The following MRPS27 variants were observed in gnomAD, a reference collection of about 807,000 sequenced individuals.
MRPS27 encodes mitochondrial ribosomal protein S27.
Under a neutral mutation model 48.9 loss-of-function variants are expected in MRPS27, and 43 were observed. The observed-to-expected ratio is 0.88, with a 90% confidence interval of 0.69 to 1.13. MRPS27 has a LOEUF of 1.13. Among genes scored for constraint, MRPS27 ranks in the 50% most tolerant of loss-of-function variants. The pLI is 0.00. For missense variants in MRPS27, 467 were observed against 476.3 expected (o/e 0.98, Z 0.18); for synonymous variants, 188 against 171.9 (o/e 1.09, Z -0.73).
intron 4 of MRPS27, among the ~76,000 whole-genome samples, chr5:72,278,283 A>C (rs910448478): frequency 6.6e-6 from 1 of 151,846 alleles, no homozygotes; most frequent in African/African-American, 2.4e-5. Context: ...TCTACTAAAG[A>C]TACAAAAAAA....
At chr5:72,293,544 A>G (rs1749890776) in intron 4 of MRPS27, among the ~76,000 whole-genome samples, 1 of 152,240 alleles carries the variant, frequency 6.6e-6, no homozygotes, top group Non-Finnish European at 1.5e-5. Flanking sequence ...ACTGAACATC[A>G]TGTGAAGAAT....
chr5:72,256,360 C>T (rs4703813), intron 4 of MRPS27, among the ~76,000 whole-genome samples: 12,798 of 151,986 alleles, frequency 0.084, 728 homozygotes, highest in East Asian at 0.13. Flanking sequence ...AAAAAGAATG[C>T]GTAAAATAAA....
At chr5:72,300,869 G>A (rs150958037) in intron 2 of MRPS27, among the ~76,000 whole-genome samples, 86 of 152,200 alleles carry the variant, frequency 5.7e-4, no homozygotes, top group African/African-American at 2.0e-3. Context: ...GCTAATCTGT[G>A]TTGTTTTTCT....
intron 4 of MRPS27, among the ~76,000 whole-genome samples, chr5:72,254,069 G>A (rs1748732570): frequency 6.6e-6 from 1 of 152,130 alleles, no homozygotes; most frequent in South Asian, 2.1e-4. Context: ...AGGTGACCCT[G>A]CATCTGGCTT....
intron 4 of MRPS27, among the ~76,000 whole-genome samples, chr5:72,266,661 C>T (rs1749114002): frequency 1.3e-5 from 2 of 152,092 alleles, no homozygotes; most frequent in African/African-American, 4.8e-5. Flanking sequence ...AGATCCAGAC[C>T]ATCCTGGTTA....
intron 8 of MRPS27, 95 bp downstream of exon 8, chr5:72,228,171 G>A: frequency 3.5e-6 from 4 of 1,131,332 alleles, no homozygotes; most frequent in Non-Finnish European, 2.6e-6. Flanking sequence ...GATTTCACTG[G>A]TAAATTTAAA....
At position 72,295,364 on chromosome 5, in the gene MRPS27, TA is replaced by T. The variant is rs1179980872; in HGVS notation, c.281+166del. 9.3e-4 allele frequency: 511 copies of T among 549,584 alleles called. 1 individual carries two copies. Among genetic ancestry groups the T allele is most frequent in the Non-Finnish European group, 4.2e-4 (129 of 309,356 alleles). The allele number at this position is 549,584 out of a possible 1,614,324, so 34.0% of individuals were successfully genotyped here. ...TAAATAATAAACTCACAGTATGGAA[TA>T]AAATGCAGTTATAAAAAATCAGAAA... On this transcript the variant is annotated intron_variant, in intron 4 of 10. Coordinates refer to ENST00000261413, the MANE Select transcript of MRPS27 (RefSeq NM_015084.3).
chr5:72,226,067 C>T lies in MRPS27; in HGVS notation c.827G>A (p.Cys276Tyr). 1 of 1,613,470 alleles carries T rather than the reference C, an allele frequency of 6.2e-7. No homozygotes were observed. The highest frequency in any genetic ancestry group is 8.5e-7 in the Non-Finnish European group (1 of 1,179,564). Reference sequence around the variant, plus strand: ...AGCTGAAGAACATACCGCTTCTCTACACAGCTTTATGTCTTCTGGGGAGGC... The same window carrying T: ...AGCTGAAGAACATACCGCTTCTCTATACAGCTTTATGTCTTCTGGGGAGGC... ...VAASPEDIKLCREALDVLGAV... is the reference protein window; with the variant it reads ...VAASPEDIKLYREALDVLGAV... The change falls in exon 9 of 11, where the codon TGT becomes TAT. Residue 276 changes from cysteine (C) to tyrosine (Y), a missense_variant. Coordinates refer to ENST00000261413, the MANE Select transcript of MRPS27 (RefSeq NM_015084.3).
intron 9 of MRPS27, 115 bp downstream of exon 9, chr5:72,225,942 A>G (rs1177724268): frequency 1.6e-6 from 2 of 1,222,464 alleles, no homozygotes; most frequent in Admixed American, 2.7e-5. Context: ...ATAAATACCT[A>G]TTCTATAGAC....
Position 72,297,622 on chromosome 5 carries a change from A to C in MRPS27, c.222+10T>G. 1 of 1,548,764 alleles carries C rather than the reference A, an allele frequency of 6.5e-7. No individual in the cohort carries two copies. The highest frequency in any genetic ancestry group is 8.9e-7 in the Non-Finnish European group (1 of 1,128,964). Reference sequence around the variant, plus strand: ...GTTCTTGGAAAATATATATGTTAAAATTTTCTTACCCGTGATATTGTTAAA... The same window carrying C: ...GTTCTTGGAAAATATATATGTTAAACTTTTCTTACCCGTGATATTGTTAAA... On this transcript the variant is annotated intron_variant, in intron 3 of 10. Coordinates refer to ENST00000261413, the MANE Select transcript of MRPS27 (RefSeq NM_015084.3).
At chr5:72,286,506 G>A (rs180725108) in intron 4 of MRPS27, among the ~76,000 whole-genome samples, 1 of 152,168 alleles carries the variant, frequency 6.6e-6, no homozygotes, top group Non-Finnish European at 1.5e-5. Context: ...TTCAACAAGT[G>A]GTGCTGACAC....
chr5:72,241,564 C>G (rs115902249), intron 4 of MRPS27: 68 of 1,312,636 alleles, frequency 5.2e-5, no homozygotes, highest in Non-Finnish European at 7.2e-5. Flanking sequence ...ACTTTTTAAG[C>G]AGTTCAGACA....
chr5:72,307,814 T>G (rs1750314556), intron 2 of MRPS27: 1 of 152,354 alleles, frequency 6.6e-6, no homozygotes, highest in East Asian at 1.9e-4. Context: ...TGGTAATTCA[T>G]CAATGTCTAT....
At chr5:72,267,204 C>G (rs1225683390) in intron 4 of MRPS27, among the ~76,000 whole-genome samples, 1 of 152,214 alleles carries the variant, frequency 6.6e-6, no homozygotes, top group East Asian at 1.9e-4. Context: ...CAATTCCAAT[C>G]TAGTGCTTAC....
chr5:72,302,579 A>G (rs992764749), intron 2 of MRPS27, among the ~76,000 whole-genome samples: 2 of 152,200 alleles, frequency 1.3e-5, no homozygotes, highest in African/African-American at 2.4e-5. Flanking sequence ...ATAAAACAAA[A>G]TATCAATTTT....
intron 4 of MRPS27, chr5:72,241,446 A>G (rs1748347331): frequency 5.4e-6 from 3 of 557,522 alleles, no homozygotes. Flanking sequence ...CATCAGCATT[A>G]AAAAGATAAA....
intron 4 of MRPS27, among the ~76,000 whole-genome samples, chr5:72,290,319 C>T (rs1267654107): frequency 6.6e-6 from 1 of 152,194 alleles, no homozygotes; most frequent in Non-Finnish European, 1.5e-5. Context: ...CCATAACTGA[C>T]TCCAGGCAGA....
chr5:72,249,477 A>C (rs913277165), intron 4 of MRPS27, among the ~76,000 whole-genome samples: 3 of 152,060 alleles, frequency 2.0e-5, no homozygotes. Context: ...TGAGGTCAGG[A>C]GTTCAAGACC....
At chr5:72,264,019 A>G (rs1183890188) in intron 4 of MRPS27, among the ~76,000 whole-genome samples, 1 of 152,168 alleles carries the variant, frequency 6.6e-6, no homozygotes, top group Non-Finnish European at 1.5e-5. Context: ...TGAGTGAATA[A>G]ATAAAATGTA....
Sources: gnomAD v4.1 joint callset for allele counts (sites outside exome capture counted in the v4.1 genomes callset) on GRCh38, gnomAD v4.1.1 for gene constraint, MANE v1.5 for transcripts, NCBI Gene and HGNC (gene_info 2026-07-23, HGNC 2026-07-21) for gene names.